CPNE6: variants seen among roughly 807,000 people sequenced by gnomAD.
CPNE6 encodes the protein copine-6.
A neutral mutation model predicts 71.5 loss-of-function variants in CPNE6; 33 were observed. The observed-to-expected ratio is 0.46, with a 90% CI of 0.35 to 0.62. CPNE6 has a LOEUF of 0.62. Ranked by LOEUF, CPNE6 falls within the 20% of genes least tolerant of loss-of-function variation. CPNE6 has a pLI of 0.00. For missense variants in CPNE6, 576 were observed against 747.3 expected (o/e 0.77, Z 2.67); for synonymous variants, 296 against 293.0 (o/e 1.01, Z -0.10).
At position 24,075,076 on chromosome 14, in the gene CPNE6, C is replaced by T; in HGVS notation, c.673-96C>T. 1.1e-6 allele frequency: 1 copy of T among 910,080 alleles called. No individual in the cohort carries two copies. The highest frequency in any genetic ancestry group is 1.8e-6 in the Non-Finnish European group (1 of 546,960). 56.4% of individuals were successfully genotyped at this position (910,080 alleles called of 1,614,324 possible). A position where few individuals can be genotyped will look rare whatever the true frequency, so the allele number is the denominator to read the frequency against. ...GTTTGGGCATGGAGACTCTAAGGCC[C>T]AAGTCCCCCTACTCCAAGTCCCCGA... On this transcript the variant is annotated intron_variant, in intron 8 of 17. Coordinates refer to ENST00000397016, the Ensembl canonical transcript of CPNE6. The surrounding 1 kb of genome is among the most constrained non-coding windows in gnomAD (Gnocchi z 4.3).
Position 24,073,445 on chromosome 14 carries a change from A to T in CPNE6, c.169-54A>T, listed in dbSNP as rs888142874. ...ATGACTAGGGCAGTCCAGGACAGGG[A>T]AAAGTATCCTCGGTTCCCAGACAGC... On this transcript the variant is annotated intron_variant, in intron 3 of 17. Transcript: ENST00000397016. The surrounding 1 kb of genome is among the most constrained non-coding windows in gnomAD (Gnocchi z 5.5). 2.9e-5 allele frequency: 45 copies of T among 1,575,518 alleles called. No individual in the cohort carries two copies. Among genetic ancestry groups the T allele is most frequent in the Admixed American group, 3.5e-5 (2 of 57,562 alleles).
rs1160978012 is a variant in CPNE6, at chr14:24,071,619, G to T, written c.-27G>T. On this transcript the variant is annotated 5_prime_UTR_variant, in exon 2 of 18. In the 5' UTR this introduces an upstream ATG that the reference lacks. Coordinates refer to ENST00000397016, the Ensembl canonical transcript of CPNE6. The stretch of plus-strand genomic sequence containing the variant: ...GGCCAGGGCCAGAGAGCCGGAGAGA[G>T]GAGCCCCCGACCGAGAGCCCAGGTG... The T allele has an allele frequency of 1.8e-5, 22 of 1,197,324 alleles. No homozygotes were observed. The highest frequency in any genetic ancestry group is 2.6e-5 in the Non-Finnish European group (22 of 838,994). The allele number at this position is 1,197,324 out of a possible 1,614,324, so 74.2% of individuals were successfully genotyped here.
At chr14:24,071,501 G>GCCGC in intron 1 of CPNE6, 61 bp from the exon 1 acceptor site, 2 of 1,416,704 alleles carry the variant, frequency 1.4e-6, no homozygotes, top group Non-Finnish European at 1.9e-6. Context: ...CTGGTGCTGC[G>GCCGC]CCCCCCCCCA....
Position 24,075,509 on chromosome 14 carries a change from A to C in CPNE6, c.782A>C (p.Gln261Pro). 1 of 1,611,132 alleles carries C rather than the reference A, an allele frequency of 6.2e-7. No individual in the cohort carries two copies. The highest frequency in any genetic ancestry group is 8.5e-7 in the Non-Finnish European group (1 of 1,178,584). The change falls in exon 10 of 18, where the codon CAG becomes CCG. Residue 261 changes from glutamine (Q) to proline (P), a missense_variant. Around this residue, in one of 4 missense-constraint regions of CPNE6, gnomAD observed 214 missense variants for 291.2 expected, o/e 0.73. Coordinates refer to ENST00000397016, the Ensembl canonical transcript of CPNE6. This position sits in a 1 kb window ranked among gnomAD's most constrained non-coding sequence, Gnocchi z 4.3. ...AGCTTGTGGGGTGGGGTCTAGATGCAGTGGGACTGTATCAACCCCAAGTAT... is the reference window on the plus strand; with the variant it reads ...AGCTTGTGGGGTGGGGTCTAGATGCCGTGGGACTGTATCAACCCCAAGTAT...
At position 24,071,505 on chromosome 14, in the gene CPNE6, C is replaced by A. The variant is rs970032924; in HGVS notation, c.-119-22C>A. ...CGCGGGGGGAGCTGGTGCTGCGCCCCCCCCCACCCCTCCCCATCCAGGCCC... is the reference window on the plus strand; with the variant it reads ...CGCGGGGGGAGCTGGTGCTGCGCCCACCCCCACCCCTCCCCATCCAGGCCC... On this transcript the variant is annotated intron_variant, in intron 1 of 17. Transcript: ENST00000397016. 19 of 1,097,368 alleles carry A rather than the reference C, an allele frequency of 1.7e-5. No homozygotes were observed. In the East Asian group the frequency reaches 2.0e-4, roughly 11 times the overall value. The allele number at this position is 1,097,368 out of a possible 1,614,324, so 68.0% of individuals were successfully genotyped here.
In CPNE6 at chr14:24,077,133, A is replaced by G; in HGVS notation, c.1300-21A>G. 6.3e-7 allele frequency: 1 copy of G among 1,595,768 alleles called. No individual in the cohort carries two copies. Among genetic ancestry groups the G allele is most frequent in the Non-Finnish European group, 8.5e-7 (1 of 1,175,576 alleles). On this transcript the variant is annotated intron_variant, in intron 15 of 17. Coordinates refer to ENST00000397016, the Ensembl canonical transcript of CPNE6. The surrounding 1 kb of genome is among the most constrained non-coding windows in gnomAD (Gnocchi z 6.1). ...CCTTGCACACAAAGCCAACCCTTCC[A>G]CCCTCTCTGCTTGCCCTCAGAAGTA...
chr14:24,076,042 A>G, intron 11 of CPNE6, 107 bp from the exon 11 acceptor site: 1 of 1,530,064 alleles, frequency 6.5e-7, no homozygotes, highest in East Asian at 2.3e-5. Context: ...GGCTACCTGT[A>G]GCCTCCCCAC....
At chr14:24,076,303 A>G in intron 12 of CPNE6, 21 bp downstream of exon 11, 1 of 1,614,188 alleles carries the variant, frequency 6.2e-7, no homozygotes. Flanking sequence ...GTGGGGCGGG[A>G]GGGAACAGGC....
In CPNE6 at chr14:24,077,442, C is replaced by G. The variant is rs1566553207; in HGVS notation, c.1536+52C>G. On this transcript the variant is annotated intron_variant, in intron 16 of 17. Coordinates refer to ENST00000397016, the Ensembl canonical transcript of CPNE6. The surrounding 1 kb of genome is among the most constrained non-coding windows in gnomAD (Gnocchi z 6.1). ...GAAGGACTCCTCAGCTTCTCATCCC[C>G]CCAAATCTGACCTTCGTCTTCCACC... The G allele has an allele frequency of 6.3e-7, 1 of 1,586,490 alleles. No individual in the cohort carries two copies. Among genetic ancestry groups the G allele is most frequent in the Non-Finnish European group, 8.7e-7 (1 of 1,155,258 alleles).
In CPNE6 at chr14:24,073,592, C is replaced by G; in HGVS notation, c.262C>G (p.Gln88Glu). 6.2e-7 allele frequency: 1 copy of G among 1,614,086 alleles called. No homozygotes were observed. Among genetic ancestry groups the G allele is most frequent in the Non-Finnish European group, 8.5e-7 (1 of 1,180,042 alleles). ...TTTTTTTGAGGAGAAGCAGCCCCTG[C>G]AGTTCCACGTGTTCGATGCCGAGGA... Residue 88 changes from glutamine to glutamate, a missense_variant, in exon 4 of 18, where the codon CAG (glutamine) becomes GAG (glutamate). Gln to Glu is a conservative substitution (Grantham distance 29, BLOSUM62 2). Coordinates refer to ENST00000397016, the Ensembl canonical transcript of CPNE6. This position sits in a 1 kb window ranked among gnomAD's most constrained non-coding sequence, Gnocchi z 5.5.
In CPNE6 at chr14:24,074,479, C is replaced by A; in HGVS notation, c.499-52C>A. Reference sequence around the variant, plus strand: ...CTTCCCAGTGGGAGCCCATCCCCCACCCTCCTTGCAGCTCTCACCAACCTC... The same window carrying A: ...CTTCCCAGTGGGAGCCCATCCCCCAACCTCCTTGCAGCTCTCACCAACCTC... On this transcript the variant is annotated intron_variant, in intron 6 of 17. Transcript: ENST00000397016. This position sits in a 1 kb window ranked among gnomAD's most constrained non-coding sequence, Gnocchi z 4.5. The A allele has an allele frequency of 6.3e-7, 1 of 1,593,048 alleles. No homozygotes were observed. The highest frequency in any genetic ancestry group is 8.6e-7 in the Non-Finnish European group (1 of 1,161,330).
intron 11 of CPNE6, 35 bp from the exon 11 acceptor site, chr14:24,076,114 G>T (rs541994863): frequency 1.2e-6 from 2 of 1,604,702 alleles, no homozygotes; most frequent in Non-Finnish European, 1.7e-6. Flanking sequence ...TGGCTCTCAT[G>T]GTTGCAGCAT....
chr14:24,076,581 C>T (rs1190427603), intron 14 of CPNE6, 24 bp downstream of exon 13: 2 of 1,613,614 alleles, frequency 1.2e-6, no homozygotes, highest in African/African-American at 1.3e-5. Context: ...TTTTCACCTG[C>T]CCCGCCTCCC....
chr14:24,077,488 C>T lies in CPNE6; in HGVS notation c.1536+98C>T, dbSNP rs746400521. The T allele has an allele frequency of 1.1e-5, 17 of 1,566,774 alleles. No homozygotes were observed. The highest frequency in any genetic ancestry group is 4.4e-5 in the South Asian group (4 of 90,000). ...CCACCATTTGATGTCCTGCTAAGGA[C>T]GCGGGAGCCCAGCTGGCCACCCTGA... is the stretch of plus-strand genomic sequence containing the variant. On this transcript the variant is annotated intron_variant, in intron 16 of 17. Coordinates refer to ENST00000397016, the Ensembl canonical transcript of CPNE6. This position sits in a 1 kb window ranked among gnomAD's most constrained non-coding sequence, Gnocchi z 6.1.
Position 24,077,171 on chromosome 14 carries a change from G to A in CPNE6, c.1317G>A (p.Leu439=), listed in dbSNP as rs778563177. The change falls in exon 16 of 18, where the codon CTG becomes CTA. Residue 439 remains leucine (L), a synonymous_variant. Transcript: ENST00000397016. This position sits in a 1 kb window ranked among gnomAD's most constrained non-coding sequence, Gnocchi z 6.1. ...GCCCTCAGAAGTACTCGGTGCTGCT[G>A]GTGCTCACTGACGGTGTGGTGAGCG... is the stretch of plus-strand genomic sequence containing the variant. 1.2e-6 allele frequency: 2 copies of A among 1,605,570 alleles called. No homozygotes were observed. The highest frequency in any genetic ancestry group is 1.7e-6 in the Non-Finnish European group (2 of 1,179,466).
In CPNE6 at chr14:24,071,549, C is replaced by T. The variant is rs761865096; in HGVS notation, c.-97C>T. 2.0e-5 allele frequency: 30 copies of T among 1,496,994 alleles called. 1 individual carries two copies. The South Asian group carries it at 2.6e-4, about 13-fold the overall frequency. 92.7% of individuals were successfully genotyped at this position (1,496,994 alleles called of 1,614,324 possible). A position where few individuals can be genotyped will look rare whatever the true frequency, so the allele number is the denominator to read the frequency against. ...CAGGCCCCATAAATAGCAGCAGAGCCGGAGCTGGAGCCGGCGCCAGCGGCT... is the reference window on the plus strand; with the variant it reads ...CAGGCCCCATAAATAGCAGCAGAGCTGGAGCTGGAGCCGGCGCCAGCGGCT... On this transcript the variant is annotated 5_prime_UTR_variant, in exon 2 of 18. Coordinates refer to ENST00000397016, the Ensembl canonical transcript of CPNE6.
At chr14:24,076,055 C>A in intron 11 of CPNE6, 94 bp from the exon 11 acceptor site, 1 of 1,554,176 alleles carries the variant, frequency 6.4e-7, no homozygotes, top group South Asian at 1.2e-5. Context: ...CTCCCCACCA[C>A]TCATCTTAGT....
chr14:24,074,016 G>A lies in CPNE6; in HGVS notation c.349-35G>A. Reference sequence around the variant, plus strand: ...GTACGTGGCCAAGGCAGATGGGGATGTCACAGCTGGGTCTCCCTCCACCTC... The same window carrying A: ...GTACGTGGCCAAGGCAGATGGGGATATCACAGCTGGGTCTCCCTCCACCTC... On this transcript the variant is annotated intron_variant, in intron 4 of 17. Coordinates refer to ENST00000397016, the Ensembl canonical transcript of CPNE6. This position sits in a 1 kb window ranked among gnomAD's most constrained non-coding sequence, Gnocchi z 4.5. 1 of 1,579,154 alleles carries A rather than the reference G, an allele frequency of 6.3e-7. No individual in the cohort carries two copies.
At position 24,075,183 on chromosome 14, in the gene CPNE6, T is replaced by C. The variant is rs2036020885; in HGVS notation, c.684T>C (p.Tyr228=). Residue 228 remains tyrosine (Y), a synonymous_variant, in exon 9 of 18, where the codon TAT becomes TAC. Transcript: ENST00000397016. The surrounding 1 kb of genome is among the most constrained non-coding windows in gnomAD (Gnocchi z 4.3). ...CCCTGCCTTCTCAGTTCCTGGTGTA[T>C]GACTATGACTCCAGTGGGAAGCATG... is the stretch of plus-strand genomic sequence containing the variant. The C allele has an allele frequency of 6.2e-7, 1 of 1,613,680 alleles. No individual in the cohort carries two copies. Among genetic ancestry groups the C allele is most frequent in the Non-Finnish European group, 8.5e-7 (1 of 1,179,748 alleles).
Sources: gnomAD v4.1 joint callset for allele counts on GRCh38, gnomAD v4.1.1 for gene constraint, gnomAD v4.1.1 regional missense constraint, Gnocchi (gnomAD v3.1) non-coding constraint, MANE v1.5 for transcripts, NCBI Gene and HGNC (gene_info 2026-07-23, HGNC 2026-07-21) for gene names.